The following ITGA9 variants were observed in gnomAD, a reference collection of about 807,000 sequenced individuals.
ITGA9 encodes the protein integrin subunit alpha 9.
A neutral mutation model predicts 127.8 loss-of-function variants in ITGA9; 56 were observed. That is an observed-to-expected ratio of 0.44 (90% confidence interval 0.35 to 0.55). The LOEUF (loss-of-function observed/expected upper bound fraction) is 0.55. Among genes scored for constraint, ITGA9 ranks in the 20% least tolerant of loss-of-function variants. ITGA9 has a pLI of 0.00. For synonymous variants in ITGA9, 508 were observed against 514.5 expected (o/e 0.99, Z 0.17); for missense variants, 1,196 against 1,347.1 (o/e 0.89, Z 1.76).
chr3:37,818,251 C>CTTTTTTTT lies in ITGA9; in HGVS notation c.3010-621_3010-614dup, dbSNP rs1165189273. On this transcript the variant is annotated intron_variant, in intron 27 of 27. Transcript: ENST00000264741. ...TCCCAAACTTATTTGACCATGAAAC[C>CTTTTTTTT]TTTTTTTTTTTTTTTTTTTTTTTTT... The CTTTTTTTT allele has an allele frequency of 6.5e-4, 37 of 57,026 alleles. 2 individuals carry two copies. The highest frequency in any genetic ancestry group is 2.0e-3 in the African/African-American group (34 of 16,768). 3.5% of individuals were successfully genotyped at this position (57,026 alleles called of 1,614,324 possible).
chr3:37,786,096 G>A (rs951131261), intron 26 of ITGA9, among the ~76,000 whole-genome samples: 3 of 152,198 alleles, frequency 2.0e-5, no homozygotes, highest in Non-Finnish European at 4.4e-5. Flanking sequence ...GGAGACAGCA[G>A]CCGATGCACT....
At chr3:37,721,531 T>C (rs1427872386) in intron 18 of ITGA9, among the ~76,000 whole-genome samples, 2 of 152,236 alleles carry the variant, frequency 1.3e-5, no homozygotes, top group African/African-American at 2.4e-5. Flanking sequence ...TTTTTAAGCT[T>C]GGAAAGAACA....
At chr3:37,550,823 G>A (rs1358688880) in intron 15 of ITGA9, among the ~76,000 whole-genome samples, 1 of 152,188 alleles carries the variant, frequency 6.6e-6, no homozygotes, top group Non-Finnish European at 1.5e-5. Flanking sequence ...GAAACCCACT[G>A]CAGCAAGCTC....
chr3:37,752,110 G>A (rs1646852154), intron 23 of ITGA9, among the ~76,000 whole-genome samples: 1 of 152,228 alleles, frequency 6.6e-6, no homozygotes, highest in African/African-American at 2.4e-5. Flanking sequence ...GAGGCCCACA[G>A]CTGGCACACC....
chr3:37,480,276 G>A (rs1698538717), intron 3 of ITGA9, among the ~76,000 whole-genome samples: 1 of 152,080 alleles, frequency 6.6e-6, no homozygotes, highest in South Asian at 2.1e-4. Flanking sequence ...CTGGCTGCTG[G>A]CACTGCTCCA....
At chr3:37,712,702 G>T (rs1701091990) in intron 18 of ITGA9, among the ~76,000 whole-genome samples, 1 of 152,126 alleles carries the variant, frequency 6.6e-6, no homozygotes, top group Non-Finnish European at 1.5e-5. Context: ...GTGGCAAAAT[G>T]GTTGCCAGGC....
At chr3:37,812,588 G>T (rs1295109882) in intron 27 of ITGA9, among the ~76,000 whole-genome samples, 1 of 152,218 alleles carries the variant, frequency 6.6e-6, no homozygotes, top group African/African-American at 2.4e-5. Context: ...TTGGATACAT[G>T]GTTATATGAG....
At chr3:37,737,122 G>T (rs183931957) in intron 20 of ITGA9, 139 bp downstream of exon 20, 1 of 710,394 alleles carries the variant, frequency 1.4e-6, no homozygotes, top group East Asian at 2.7e-5. Flanking sequence ...GCCTTGAGCC[G>T]CAAAGTGGAA....
At chr3:37,656,501 T>G (rs6550495) in intron 17 of ITGA9, among the ~76,000 whole-genome samples, 1 of 151,310 alleles carries the variant, frequency 6.6e-6, no homozygotes, top group African/African-American at 2.4e-5. Flanking sequence ...TTTGTCTGTT[T>G]TTGGTGTACA....
intron 23 of ITGA9, among the ~76,000 whole-genome samples, chr3:37,758,248 G>C (rs1188474711): frequency 6.8e-6 from 1 of 146,032 alleles, no homozygotes; most frequent in Admixed American, 6.8e-5. Flanking sequence ...GCGTGAACCC[G>C]GGAAGCGGAG....
chr3:37,513,333 C>T (rs1003934328), intron 8 of ITGA9, among the ~76,000 whole-genome samples: 6 of 152,320 alleles, frequency 3.9e-5, no homozygotes, highest in Admixed American at 1.3e-4. Flanking sequence ...GACTGGGGCC[C>T]TGCCTTGCTG....
At chr3:37,792,317 C>T (rs1697121294) in intron 26 of ITGA9, among the ~76,000 whole-genome samples, 1 of 152,168 alleles carries the variant, frequency 6.6e-6, no homozygotes, top group Admixed American at 6.5e-5. Context: ...TGATCCGTGC[C>T]CTCCCAGAGC....
In ITGA9 at chr3:37,814,084, G is replaced by A. The variant is rs1164981291; in HGVS notation, c.3010-4807G>A. ...TTGAGAAAAATTGAGATGGGACAAA[G>A]ACTCTGTGCCTTGTTCCCCCTTAGT... On this transcript the variant is annotated intron_variant, in intron 27 of 27. Coordinates refer to ENST00000264741, the MANE Select transcript of ITGA9 (RefSeq NM_002207.3). This position sits in a 1 kb window ranked among gnomAD's most constrained non-coding sequence, Gnocchi z 4.3. Among the ~76,000 whole-genome samples, 1 of 152,124 alleles carries A rather than the reference G, an allele frequency of 6.6e-6. No individual in the cohort carries two copies. The highest frequency in any genetic ancestry group is 6.6e-5 in the Admixed American group (1 of 15,266).
chr3:37,484,023 G>GA (rs1318410644), intron 4 of ITGA9, among the ~76,000 whole-genome samples: 2 of 152,224 alleles, frequency 1.3e-5, no homozygotes, highest in Non-Finnish European at 2.9e-5. Flanking sequence ...CACAAAGCAA[G>GA]AAAGGGTGAC....
At chr3:37,466,052 C>T (rs1698366600) in intron 1 of ITGA9, among the ~76,000 whole-genome samples, 3 of 152,122 alleles carry the variant, frequency 2.0e-5, no homozygotes, top group African/African-American at 7.2e-5. Flanking sequence ...ATTAGTACCT[C>T]CCGTAGGGTT....
At chr3:37,510,898 T>C (rs1024033291) in intron 8 of ITGA9, among the ~76,000 whole-genome samples, 4 of 152,224 alleles carry the variant, frequency 2.6e-5, no homozygotes, top group African/African-American at 9.7e-5. Flanking sequence ...GTCATCATCG[T>C]TCTGCTTTTG....
chr3:37,665,133 C>T (rs2125653508), intron 17 of ITGA9, among the ~76,000 whole-genome samples: 2 of 152,014 alleles, frequency 1.3e-5, no homozygotes, highest in African/African-American at 4.8e-5. Context: ...CCATCATGCC[C>T]AGCTAATTTT....
chr3:37,671,093 C>T (rs1164652192), intron 17 of ITGA9, among the ~76,000 whole-genome samples: 1 of 152,244 alleles, frequency 6.6e-6, no homozygotes, highest in Non-Finnish European at 1.5e-5. Flanking sequence ...CCGGGGCTGT[C>T]TTAGGACATT....
At chr3:37,695,641 C>T (rs1700877523) in intron 18 of ITGA9, among the ~76,000 whole-genome samples, 2 of 152,202 alleles carry the variant, frequency 1.3e-5, no homozygotes. Flanking sequence ...CTTCCACTGC[C>T]CCCATGCTCT....
Sources: gnomAD v4.1 joint callset for allele counts (sites outside exome capture counted in the v4.1 genomes callset) on GRCh38, gnomAD v4.1.1 for gene constraint, Gnocchi (gnomAD v3.1) non-coding constraint, MANE v1.5 for transcripts, NCBI Gene and HGNC (gene_info 2026-07-23, HGNC 2026-07-21) for gene names.